DZIP3: variants seen among roughly 807,000 people sequenced by gnomAD.
DZIP3 encodes DAZ interacting zinc finger protein 3, also known as E3 ubiquitin-protein ligase DZIP3.
In DZIP3, 118 loss-of-function variants were observed where a neutral mutation model predicts 162.0. That is an observed-to-expected ratio of 0.73 (90% confidence interval 0.63 to 0.85). The LOEUF (loss-of-function observed/expected upper bound fraction) is 0.85. Among genes scored for constraint, DZIP3 ranks in the 40% least tolerant of loss-of-function variants. The pLI is 0.00. For missense variants in DZIP3, 1,331 were observed against 1,407.0 expected, an observed-to-expected ratio of 0.95 and a Z score of 0.86; for synonymous variants, 438 against 458.6, an observed-to-expected ratio of 0.96 and a Z score of 0.57.
intron 19 of DZIP3, among the ~76,000 whole-genome samples, chr3:108,659,548 A>G (rs1345561473): frequency 2.0e-5 from 3 of 151,750 alleles, no homozygotes; most frequent in Non-Finnish European, 4.4e-5. Context: ...ATGGGCAAAA[A>G]CTGGAAGCAT....
intron 17 of DZIP3, among the ~76,000 whole-genome samples, chr3:108,650,314 C>T (rs1942809110): frequency 6.6e-6 from 1 of 151,690 alleles, no homozygotes; most frequent in Non-Finnish European, 1.5e-5. Flanking sequence ...AGAGCAAAGG[C>T]AGGAGTCAAG....
chr3:108,657,698 T>C (rs914168005), intron 19 of DZIP3, among the ~76,000 whole-genome samples: 8 of 152,124 alleles, frequency 5.3e-5, no homozygotes, highest in Non-Finnish European at 7.4e-5. Flanking sequence ...GAGTGGCAAA[T>C]TGGATAAAGA....
intron 17 of DZIP3, among the ~76,000 whole-genome samples, chr3:108,650,338 A>G (rs1344645482): frequency 6.6e-6 from 1 of 151,814 alleles, no homozygotes; most frequent in African/African-American, 2.4e-5. Context: ...TCTAAATCAT[A>G]GAATCAAATT....
rs142417383 is a variant in DZIP3, at chr3:108,686,527, T to C, written c.3092T>C (p.Ile1031Thr). ...PSAGLRSDPS[I>T]MNWERITDRL... ...GCAGGTCTGCGGAGTGATCCCTCCATCATGAATTGGGAGAGAATTACAGAC... is the reference window on the plus strand; with the variant it reads ...GCAGGTCTGCGGAGTGATCCCTCCACCATGAATTGGGAGAGAATTACAGAC... The change falls in exon 28 of 33, where the codon ATC becomes ACC. Residue 1031 changes from isoleucine (I) to threonine (T), a missense_variant. By Grantham distance (89) the Ile-to-Thr change is moderately conservative. Around this residue, in one of 2 missense-constraint regions of DZIP3, gnomAD observed 1,278 missense variants for 1,317.1 expected, o/e 0.97. Coordinates refer to ENST00000361582, the MANE Select transcript of DZIP3 (RefSeq NM_014648.4). 9.9e-6 allele frequency: 16 copies of C among 1,612,012 alleles called. No homozygotes were observed. In the African/African-American group the frequency reaches 1.5e-4, roughly 15 times the overall value.
At chr3:108,605,289 A>C (rs755206754) in intron 1 of DZIP3, 46 bp from the exon 2 acceptor site, 5 of 1,314,568 alleles carry the variant, frequency 3.8e-6, no homozygotes, top group Admixed American at 4.2e-5. Context: ...GTGGGGAGAA[A>C]GAGTGTAACT....
intron 12 of DZIP3, among the ~76,000 whole-genome samples, chr3:108,641,826 A>G (rs75445965): frequency 0.034 from 5,163 of 152,216 alleles, 294 homozygotes; most frequent in African/African-American, 0.12. Context: ...TTAAGCTTAC[A>G]TTGTAGCGTT....
chr3:108,607,870 G>T (rs1940466093), intron 2 of DZIP3, among the ~76,000 whole-genome samples: 2 of 151,916 alleles, frequency 1.3e-5, no homozygotes, highest in African/African-American at 4.8e-5. Context: ...TTCATAATTG[G>T]CTTGCTGTTT....
intron 19 of DZIP3, among the ~76,000 whole-genome samples, chr3:108,656,953 T>C (rs1943155452): frequency 1.3e-5 from 2 of 152,038 alleles, no homozygotes; most frequent in Non-Finnish European, 2.9e-5. Flanking sequence ...TAAAAAGAAA[T>C]GAACAAACCT....
At chr3:108,631,056 C>CACA (rs1385172484) in intron 8 of DZIP3, among the ~76,000 whole-genome samples, 1 of 28,996 alleles carries the variant, frequency 3.4e-5, no homozygotes. Context: ...CACACACACA[C>CACA]TCTCTCTCTC....
chr3:108,644,360 T>G lies in DZIP3; in HGVS notation c.1338T>G (p.Gly446=), dbSNP rs759968984. The G allele has an allele frequency of 6.2e-7, 1 of 1,614,104 alleles. No homozygotes were observed. Among genetic ancestry groups the G allele is most frequent in the South Asian group, 1.1e-5 (1 of 91,084 alleles). The change falls in exon 14 of 33, where the codon GGT becomes GGG. Residue 446 remains glycine (G), a synonymous_variant. Transcript: ENST00000361582. ...YNHLWTNHPL[G]GSWHLLYPPN... is the part of the protein sequence containing the mutation. ...ATCTTTGGACCAATCATCCTTTGGGTGGATCATGGCATCTGCTTTATCCTC... is the reference window on the plus strand; with the variant it reads ...ATCTTTGGACCAATCATCCTTTGGGGGGATCATGGCATCTGCTTTATCCTC...
intron 19 of DZIP3, 96 bp downstream of exon 19, chr3:108,654,406 GT>G: frequency 7.7e-7 from 1 of 1,305,970 alleles, no homozygotes; most frequent in Non-Finnish European, 1.1e-6. Flanking sequence ...AAGCCCAGTG[GT>G]TTATACTGTT....
chr3:108,682,940 G>A (rs558003130), intron 26 of DZIP3, among the ~76,000 whole-genome samples: 1 of 150,816 alleles, frequency 6.6e-6, no homozygotes, highest in African/African-American at 2.5e-5. Context: ...TTCTCAAACA[G>A]AGCAGGACTG....
Position 108,648,059 on chromosome 3 carries a change from G to C in DZIP3, c.1909G>C (p.Gly637Arg). The change falls in exon 16 of 33, where the codon GGG becomes CGG. Residue 637 changes from glycine to arginine, a missense_variant. Physicochemically the swap from Gly to Arg is moderately radical, Grantham distance 125 (BLOSUM62 -2). This residue lies in a region of DZIP3 where 1,278 missense variants were observed against 1,317.1 expected (regional missense o/e 0.97). Transcript: ENST00000361582. ...ACAGTTTGCAGAAATTAATAAAGAT[G>C]GGACCTCAATACCCAGTGAATCTTC... ...EIQFAEINKD[G>R]TSIPSESSTE... 3.7e-6 allele frequency: 6 copies of C among 1,611,606 alleles called. No individual in the cohort carries two copies. Among genetic ancestry groups the C allele is most frequent in the Non-Finnish European group, 5.1e-6 (6 of 1,178,900 alleles).
chr3:108,635,594 T>C (rs939374178), intron 10 of DZIP3, among the ~76,000 whole-genome samples: 11 of 145,780 alleles, frequency 7.5e-5, no homozygotes, highest in African/African-American at 2.7e-4. Flanking sequence ...TATAACTAAC[T>C]ACATAATTAT....
In DZIP3 at chr3:108,639,289, A is replaced by G. The variant is rs188610622; in HGVS notation, c.1064+1741A>G. 1.6e-3 allele frequency among the ~76,000 whole-genome samples: 251 copies of G among 152,362 alleles called. 2 individuals carry two copies. Among genetic ancestry groups the G allele is most frequent in the Admixed American group, 1.6e-3 (25 of 15,308 alleles). ...TAGCACATAGCATAATATCTGGCAC[A>G]TAGCTAGGCCACAATAAATACAAAG... On this transcript the variant is annotated intron_variant, in intron 12 of 32. Coordinates refer to ENST00000361582, the MANE Select transcript of DZIP3 (RefSeq NM_014648.4).
chr3:108,691,392 GAAAAAAAAAAGAAAGTAAA>G (rs1248051472), intron 32 of DZIP3: 2 of 99,120 alleles, frequency 2.0e-5, no homozygotes, highest in Non-Finnish European at 2.2e-5. Flanking sequence ...AATAATAAAA[GAAAAAAAAAAGAAAGTAAA>G]AAAAAAAAAA....
intron 21 of DZIP3, among the ~76,000 whole-genome samples, chr3:108,667,201 TA>T (rs1943720272): frequency 6.7e-6 from 1 of 150,300 alleles, no homozygotes; most frequent in Non-Finnish European, 1.5e-5. Context: ...AGAAAAATAG[TA>T]GAGAAAATCC....
At chr3:108,646,521 T>C (rs1576410916) in intron 14 of DZIP3, 96 bp from the exon 15 acceptor site, 2 of 842,278 alleles carry the variant, frequency 2.4e-6, no homozygotes, top group East Asian at 5.0e-5. Context: ...CAGAATAAAT[T>C]GGTGCAATAT....
At chr3:108,609,410 G>C (rs61246241) in intron 3 of DZIP3, among the ~76,000 whole-genome samples, 2 of 152,046 alleles carry the variant, frequency 1.3e-5, no homozygotes, top group African/African-American at 2.4e-5. Flanking sequence ...ATCCAGAAAA[G>C]ACATTTCTAG....
Sources: allele counts gnomAD v4.1 joint callset (sites outside exome capture counted in the v4.1 genomes callset), GRCh38; gene constraint gnomAD v4.1.1; regional missense constraint gnomAD v4.1.1; transcripts MANE v1.5; gene names NCBI Gene and HGNC (gene_info 2026-07-23, HGNC 2026-07-21).